Variants in SCYL3 observed in about 807,000 individuals in gnomAD.
The protein encoded by SCYL3 is protein-associating with the carboxyl-terminal domain of ezrin.
In SCYL3, 35 loss-of-function variants were observed where a neutral mutation model predicts 73.8. The ratio of observed to expected loss-of-function variants is 0.47; its 90% CI spans 0.36 to 0.63. SCYL3 has a LOEUF of 0.63. SCYL3 is among the 20% of genes least tolerant of loss of function. The probability of loss-of-function intolerance (pLI) is 0.00; values close to 1 mark genes in which losing one functional copy is unlikely to be tolerated. For missense variants in SCYL3, 712 were observed against 798.9 expected (o/e 0.89, Z 1.31); for synonymous variants, 277 against 295.2 (o/e 0.94, Z 0.63).
At position 169,888,756 on chromosome 1, in the gene SCYL3, C is replaced by T. The variant is rs147965997; in HGVS notation, c.85G>A (p.Ala29Thr). Residue 29 changes from alanine (A) to threonine (T), a missense_variant, in exon 2 of 13, where the codon GCT (alanine) becomes ACT (threonine). Ala to Thr is a moderately conservative substitution (Grantham distance 58). Around this residue, in one of 2 missense-constraint regions of SCYL3, gnomAD observed 342 missense variants for 448.1 expected, o/e 0.76. Transcript: ENST00000367771. Reference sequence around the variant, plus strand: ...GCAAATTTGCCATCTTGCAGTACAGCGGGATAAACAGCAAGTCCAGAGGGT... The same window carrying T: ...GCAAATTTGCCATCTTGCAGTACAGTGGGATAAACAGCAAGTCCAGAGGGT... ...TLPSGLAVYPAVLQDGKFASV... is the reference protein window; with the variant it reads ...TLPSGLAVYPTVLQDGKFASV... 56 of 1,613,936 alleles carry T rather than the reference C, an allele frequency of 3.5e-5. No individual in the cohort carries two copies. In the Admixed American group the frequency reaches 4.2e-4, roughly 12 times the overall value.
chr1:169,855,855 G>T (rs758190718), intron 11 of SCYL3: 2 of 1,613,828 alleles, frequency 1.2e-6, no homozygotes, highest in South Asian at 1.1e-5. Flanking sequence ...GTTGATGGGC[G>T]TGCTGCCAGA....
chr1:169,858,731 T>C (rs769679011), intron 11 of SCYL3, among the ~76,000 whole-genome samples: 25 of 152,054 alleles, frequency 1.6e-4, no homozygotes, highest in Non-Finnish European at 3.1e-4. Flanking sequence ...CATTATAATG[T>C]CATGAGACCA....
chr1:169,872,875 C>G (rs1174130615), intron 5 of SCYL3, among the ~76,000 whole-genome samples: 1 of 152,168 alleles, frequency 6.6e-6, no homozygotes, highest in Non-Finnish European at 1.5e-5. Context: ...GCCTGTACCC[C>G]CATTGTATCT....
chr1:169,879,288 G>A (rs753133625), intron 2 of SCYL3, among the ~76,000 whole-genome samples: 9 of 152,312 alleles, frequency 5.9e-5, no homozygotes, highest in Non-Finnish European at 1.2e-4. Flanking sequence ...TAACAAAGGT[G>A]CTAAAAGTCC....
At chr1:169,858,985 T>C in intron 11 of SCYL3, 56 bp downstream of exon 11, 1 of 1,486,388 alleles carries the variant, frequency 6.7e-7, no homozygotes, top group Non-Finnish European at 9.3e-7. Flanking sequence ...ACTTATATAA[T>C]ACTAAAAATC....
rs369829919 is a variant in SCYL3, at chr1:169,880,762, C to CTT, written c.166-1945_166-1944dup. On this transcript the variant is annotated intron_variant, in intron 2 of 12. Transcript: ENST00000367771. ...AATATTACAATAAATATGAAGGCCA[C>CTT]TTTTTTTTTTTTTTTTTGAGACGGG... Among the ~76,000 whole-genome samples the CTT allele has an allele frequency of 9.5e-4, 131 of 138,504 alleles. 3 individuals carry two copies. The highest frequency in any genetic ancestry group is 3.8e-3 in the Middle Eastern group (1 of 264). The allele number at this position is 138,504 out of a possible 152,430, so 90.9% of individuals were successfully genotyped here.
At chr1:169,872,701 T>C (rs565553526) in intron 5 of SCYL3, among the ~76,000 whole-genome samples, 1 of 152,298 alleles carries the variant, frequency 6.6e-6, no homozygotes, top group Admixed American at 6.5e-5. Context: ...CCCAAGACCA[T>C]GGGAACCCAC....
chr1:169,862,605 CCT>C lies in SCYL3; in HGVS notation c.1140+6_1140+7del, dbSNP rs1491467354. The C allele has an allele frequency of 6.2e-7, 1 of 1,614,002 alleles. No individual in the cohort carries two copies. Among genetic ancestry groups the C allele is most frequent in the Non-Finnish European group, 8.5e-7 (1 of 1,179,930 alleles). ...TGTGACTACCCCACTGCAAACTTGG[CCT>C]CTGACCTGTGGCAAGATGACTTTCT... On this transcript the variant is annotated splice_donor_region_variant and intron_variant, in intron 10 of 12. Transcript: ENST00000367771.
Position 169,854,335 on chromosome 1 carries a change from T to C in SCYL3, c.1942A>G (p.Lys648Glu), listed in dbSNP as rs1658910040. 1 of 1,613,070 alleles carries C rather than the reference T, an allele frequency of 6.2e-7. No individual in the cohort carries two copies. The highest frequency in any genetic ancestry group is 8.5e-7 in the Non-Finnish European group (1 of 1,179,744). ...ATCACTGGGGAGACATCATCCTTTT[T>C]TGGGACCATTTCTGTCCTCAGTTCA... ...LPELRTEMVP[K>E]KDDVSPVMQF... is the part of the protein sequence containing the mutation. Residue 648 changes from lysine to glutamate, a missense_variant, in exon 12 of 13, where the codon AAA (lysine) becomes GAA (glutamate). Lys to Glu is a moderately conservative substitution (Grantham distance 56). Transcript: ENST00000367771.
At chr1:169,887,663 C>T (rs1661780700) in intron 2 of SCYL3, among the ~76,000 whole-genome samples, 3 of 152,198 alleles carry the variant, frequency 2.0e-5, no homozygotes, top group South Asian at 4.2e-4. Flanking sequence ...AGCAAAATTA[C>T]CTAGCAAGAA....
At chr1:169,864,175 G>A (rs1659860998) in intron 9 of SCYL3, among the ~76,000 whole-genome samples, 194 bp downstream of exon 9, 1 of 152,144 alleles carries the variant, frequency 6.6e-6, no homozygotes, top group African/African-American at 2.4e-5. Context: ...GACTCTCTAG[G>A]AAGATGCTTC....
At position 169,850,855 on chromosome 1, in the gene SCYL3, G is replaced by C. The variant is rs1162730677; in HGVS notation, c.*2858C>G. The C allele has an allele frequency of 2.0e-5, 3 of 152,660 alleles. No individual in the cohort carries two copies. The highest frequency in any genetic ancestry group is 4.4e-5 in the Non-Finnish European group (3 of 68,478). 9.5% of individuals were successfully genotyped at this position (152,660 alleles called of 1,614,324 possible). The stretch of plus-strand genomic sequence containing the variant: ...GGGGTGTAATAGCACTGATTATCCA[G>C]GCAGTGAGATGACTAATGAGGATCC... On this transcript the variant is annotated 3_prime_UTR_variant, in exon 13 of 13. Transcript: ENST00000367771.
At chr1:169,880,762 CTTT>C (rs369829919) in intron 2 of SCYL3, among the ~76,000 whole-genome samples, 3 of 138,510 alleles carry the variant, frequency 2.2e-5, no homozygotes, top group Admixed American at 1.4e-4. Context: ...ATGAAGGCCA[CTTT>C]TTTTTTTTTT....
chr1:169,865,471 C>A (rs1055614950), intron 8 of SCYL3, among the ~76,000 whole-genome samples: 2 of 152,166 alleles, frequency 1.3e-5, no homozygotes, highest in African/African-American at 4.8e-5. Context: ...GCCACTGCCC[C>A]AGCATTCCCC....
At position 169,849,770 on chromosome 1, in the gene SCYL3, C is replaced by G; in HGVS notation, c.*3943G>C. The G allele has an allele frequency of 1.6e-6, 1 of 606,134 alleles. No individual in the cohort carries two copies. Among genetic ancestry groups the G allele is most frequent in the South Asian group, 2.0e-5 (1 of 49,098 alleles). The allele number at this position is 606,134 out of a possible 1,614,324, so 37.5% of individuals were successfully genotyped here. On this transcript the variant is annotated 3_prime_UTR_variant, in exon 13 of 13. Transcript: ENST00000367771. ...TCTTTTACAGCTTCTCAAAATGAGG[C>G]TTAGATAAATGAAGTGAATTTCGTA...
rs1658550284 is a variant in SCYL3 at position 169,852,722 on chromosome 1, C to G, written c.*991G>C. On this transcript the variant is annotated 3_prime_UTR_variant, in exon 13 of 13. Coordinates refer to ENST00000367771, the MANE Select transcript of SCYL3 (RefSeq NM_020423.7). ...ATAAAATTTGCATGTAAGCTTTACT[C>G]CAGTCCAAAAGGAAGGTTCTTTATA... 3 of 1,521,684 alleles carry G rather than the reference C, an allele frequency of 2.0e-6. No homozygotes were observed. The highest frequency in any genetic ancestry group is 2.7e-6 in the Non-Finnish European group (3 of 1,106,184). 94.3% of individuals were successfully genotyped at this position (1,521,684 alleles called of 1,614,324 possible).
chr1:169,853,545 A>C lies in SCYL3; in HGVS notation c.*168T>G. ...TCACCACCCAGGGCTTTTAGCCAGC[A>C]CTCACAGTCAGTCTCCTACTTCAGT... is the stretch of plus-strand genomic sequence containing the variant. On this transcript the variant is annotated 3_prime_UTR_variant, in exon 13 of 13. Transcript: ENST00000367771. 1 of 675,706 alleles carries C rather than the reference A, an allele frequency of 1.5e-6. No individual in the cohort carries two copies. 41.9% of individuals were successfully genotyped at this position (675,706 alleles called of 1,614,324 possible). A position where few individuals can be genotyped will look rare whatever the true frequency, so the allele number is the denominator to read the frequency against.
chr1:169,865,083 CCCT>C (rs1290817853), intron 8 of SCYL3, among the ~76,000 whole-genome samples: 3 of 152,000 alleles, frequency 2.0e-5, no homozygotes, highest in Non-Finnish European at 4.4e-5. Context: ...AGTCAAAGTG[CCCT>C]CCTTTTTACC....
intron 9 of SCYL3, 57 bp downstream of exon 9, chr1:169,864,312 T>C (rs1659873784): frequency 2.4e-5 from 38 of 1,604,994 alleles, no homozygotes; most frequent in Non-Finnish European, 3.0e-5. Context: ...TGCTCAAATA[T>C]GGACTAATAA....
Sources: allele counts gnomAD v4.1 joint callset (sites outside exome capture counted in the v4.1 genomes callset), GRCh38; gene constraint gnomAD v4.1.1; regional missense constraint gnomAD v4.1.1; transcripts MANE v1.5; gene names NCBI Gene and HGNC (gene_info 2026-07-23, HGNC 2026-07-21).